The following ACOXL variants were observed in gnomAD, a reference collection of about 807,000 sequenced individuals.
ACOXL encodes acyl-CoA oxidase like, also known as acyl-coenzyme A oxidase-like protein.
Under a neutral mutation model 71.9 loss-of-function variants are expected in ACOXL, and 70 were observed. The observed-to-expected ratio is 0.97, with a 90% CI of 0.80 to 1.19. ACOXL has a LOEUF of 1.19. Ranked by LOEUF, ACOXL falls within the 50% of genes most tolerant of loss-of-function variation. The pLI, the probability that ACOXL is intolerant of heterozygous loss-of-function variation, is 0.00. For synonymous variants in ACOXL, 253 were observed against 281.6 expected, an observed-to-expected ratio of 0.90 and a Z score of 1.02; for missense variants, 703 against 736.3, an observed-to-expected ratio of 0.95 and a Z score of 0.52.
chr2:110,956,596 G>T (rs2061510272), intron 12 of ACOXL, among the ~76,000 whole-genome samples: 1 of 152,148 alleles, frequency 6.6e-6, no homozygotes, highest in Non-Finnish European at 1.5e-5. Flanking sequence ...GGGCACGGTG[G>T]AGGTCACAGG....
At chr2:110,768,750 T>G (rs1462754920) in intron 2 of ACOXL, among the ~76,000 whole-genome samples, 1 of 152,182 alleles carries the variant, frequency 6.6e-6, no homozygotes, top group African/African-American at 2.4e-5. Flanking sequence ...TTCTTCTTTG[T>G]GTCTGCGTGT....
intron 17 of ACOXL, among the ~76,000 whole-genome samples, chr2:111,096,509 G>C (rs997811934): frequency 5.9e-5 from 9 of 152,082 alleles, no homozygotes; most frequent in African/African-American, 1.9e-4. Context: ...TCAAAGTGCT[G>C]GGATTACAGG....
intron 10 of ACOXL, among the ~76,000 whole-genome samples, chr2:110,846,636 T>TAC (rs1452445738): frequency 6.7e-5 from 3 of 44,836 alleles, no homozygotes; most frequent in East Asian, 1.5e-3. Flanking sequence ...CAAGTATGCA[T>TAC]ACACGCACAC....
chr2:111,034,067 G>A (rs2065398495), intron 15 of ACOXL, among the ~76,000 whole-genome samples: 1 of 152,222 alleles, frequency 6.6e-6, no homozygotes. Flanking sequence ...GGGGGCTCTG[G>A]AGTCAGGTCA....
At chr2:110,770,062 A>G (rs571204323) in intron 2 of ACOXL, among the ~76,000 whole-genome samples, 7 of 152,148 alleles carry the variant, frequency 4.6e-5, no homozygotes, top group Non-Finnish European at 7.4e-5. Flanking sequence ...AAACAAACAA[A>G]CAAAAAACCC....
chr2:110,962,360 G>T (rs1328118451), intron 12 of ACOXL, among the ~76,000 whole-genome samples: 3 of 152,230 alleles, frequency 2.0e-5, no homozygotes, highest in Admixed American at 1.3e-4. Flanking sequence ...TATGGGGTGG[G>T]GGGAAGTGAA....
chr2:110,940,423 A>G (rs1267808537), intron 12 of ACOXL, among the ~76,000 whole-genome samples: 3 of 152,200 alleles, frequency 2.0e-5, no homozygotes, highest in African/African-American at 7.2e-5. Context: ...ATGATCATTT[A>G]GTTTTCACTG....
chr2:111,051,911 C>A (rs139302032), intron 16 of ACOXL, among the ~76,000 whole-genome samples: 1 of 152,290 alleles, frequency 6.6e-6, no homozygotes, highest in East Asian at 1.9e-4. Flanking sequence ...GTATGGCAGG[C>A]ATGGTCCATG....
chr2:111,071,737 T>C (rs2067352789), intron 16 of ACOXL, among the ~76,000 whole-genome samples: 1 of 152,148 alleles, frequency 6.6e-6, no homozygotes, highest in African/African-American at 2.4e-5. Flanking sequence ...GCTCAGGCCA[T>C]GGAGATGGGC....
At chr2:110,983,395 A>G (rs1011073473) in intron 12 of ACOXL, among the ~76,000 whole-genome samples, 3 of 152,246 alleles carry the variant, frequency 2.0e-5, no homozygotes, top group Non-Finnish European at 2.9e-5. Context: ...ATTCTGCACA[A>G]TTGCCAAACT....
intron 15 of ACOXL, among the ~76,000 whole-genome samples, chr2:111,033,193 C>T (rs1249214291): frequency 2.0e-5 from 3 of 152,020 alleles, no homozygotes; most frequent in Admixed American, 6.5e-5. Flanking sequence ...GGAGGAGGAG[C>T]GAGGAGAGGG....
intron 1 of ACOXL, among the ~76,000 whole-genome samples, chr2:110,752,353 G>C (rs575509210): frequency 6.6e-6 from 1 of 152,140 alleles, no homozygotes; most frequent in South Asian, 2.1e-4. Flanking sequence ...GGGCATGTTG[G>C]TGTACTTATA....
rs111709474 is a variant in ACOXL, at chr2:111,070,489, C to A, written c.1440+21201C>A. Among the ~76,000 whole-genome samples, 875 of 152,218 alleles carry A rather than the reference C, an allele frequency of 5.7e-3. 3 individuals carry two copies. The highest frequency in any genetic ancestry group is 0.02 in the South Asian group (98 of 4,824). ...TAGAGAGGAACAACAGACACTGGAG[C>A]CTACCTGAAAGTGGAGGCTAGGAGT... On this transcript the variant is annotated intron_variant, in intron 16 of 17. Coordinates refer to ENST00000439055, the MANE Select transcript of ACOXL (RefSeq NM_001142807.4).
At position 110,927,361 on chromosome 2, in the gene ACOXL, G is replaced by A. The variant is rs146115140; in HGVS notation, c.906-6128G>A. Reference sequence around the variant, plus strand: ...AATCATGGGTCAAGCTCAAGCTCCCGCATGTGGCCCTGGGGTGCCTTCCAC... The same window carrying A: ...AATCATGGGTCAAGCTCAAGCTCCCACATGTGGCCCTGGGGTGCCTTCCAC... On this transcript the variant is annotated intron_variant, in intron 11 of 17. Coordinates refer to ENST00000439055, the MANE Select transcript of ACOXL (RefSeq NM_001142807.4). 2.5e-3 allele frequency among the ~76,000 whole-genome samples: 375 copies of A among 152,250 alleles called. 14 individuals carry two copies. In the East Asian group the frequency reaches 0.067, roughly 27 times the overall value.
chr2:111,023,162 G>A (rs2064851374), intron 14 of ACOXL, among the ~76,000 whole-genome samples: 1 of 152,228 alleles, frequency 6.6e-6, no homozygotes, highest in South Asian at 2.1e-4. Context: ...CCAGGTGGGA[G>A]TGCAGTTATT....
At chr2:110,903,577 A>G (rs1311425362) in intron 10 of ACOXL, among the ~76,000 whole-genome samples, 3 of 152,248 alleles carry the variant, frequency 2.0e-5, no homozygotes, top group African/African-American at 4.8e-5. Flanking sequence ...AATAAAAATT[A>G]TATTTACAGA....
chr2:110,732,783 C>T lies in ACOXL; in HGVS notation c.-23+9C>T, dbSNP rs1676327551. On this transcript the variant is annotated intron_variant, in intron 1 of 17. Coordinates refer to ENST00000439055, the MANE Select transcript of ACOXL (RefSeq NM_001142807.4). Reference sequence around the variant, plus strand: ...CCGCTCTTCCGGCAAAGGTACCGCGCTGCGGCCGTCGCCCCTGCCCGCGCC... The same window carrying T: ...CCGCTCTTCCGGCAAAGGTACCGCGTTGCGGCCGTCGCCCCTGCCCGCGCC... 2.0e-5 allele frequency: 3 copies of T among 152,460 alleles called. No homozygotes were observed. Among genetic ancestry groups the T allele is most frequent in the African/African-American group, 7.2e-5 (3 of 41,476 alleles). The allele number at this position is 152,460 out of a possible 1,614,324, so 9.4% of individuals were successfully genotyped here.
chr2:111,042,715 G>C (rs2065841949), intron 15 of ACOXL, among the ~76,000 whole-genome samples: 1 of 152,224 alleles, frequency 6.6e-6, no homozygotes, highest in Admixed American at 6.5e-5. Context: ...CTGCTGGGCA[G>C]CAGTAGCTGG....
intron 14 of ACOXL, among the ~76,000 whole-genome samples, chr2:111,012,256 T>C (rs554884168): frequency 6.6e-6 from 1 of 152,348 alleles, no homozygotes; most frequent in South Asian, 2.1e-4. Context: ...TCTGTTAGAA[T>C]TTTTTTAGCA....
Sources: allele counts gnomAD v4.1 joint callset (sites outside exome capture counted in the v4.1 genomes callset), GRCh38; gene constraint gnomAD v4.1.1; transcripts MANE v1.5; gene names NCBI Gene and HGNC (gene_info 2026-07-23, HGNC 2026-07-21).